Variants in NFIB observed in about 807,000 individuals in gnomAD.
The protein encoded by NFIB is nuclear factor I B.
In NFIB, 11 loss-of-function variants were observed where a neutral mutation model predicts 61.5. The observed-to-expected ratio is 0.18, with a 90% CI of 0.11 to 0.30. The LOEUF (loss-of-function observed/expected upper bound fraction) is 0.30, where lower values mean the gene tolerates loss of function less well. Ranked by LOEUF, NFIB falls within the 10% of genes least tolerant of loss-of-function variation. The pLI is 1.00. For synonymous variants in NFIB, 260 were observed against 216.5 expected (o/e 1.20, Z -1.76); for missense variants, 471 against 608.9 (o/e 0.77, Z 2.38).
At chr9:14,472,501 A>G in the NFIB span, among the ~76,000 whole-genome samples, 1 of 152,320 alleles carries the variant, frequency 6.6e-6, no homozygotes, top group African/African-American at 2.4e-5. Flanking sequence ...TGTAGCTTGT[A>G]TTCTGTAAAG....
At chr9:14,312,895 C>A (rs1229600068) in intron 1 of NFIB, among the ~76,000 whole-genome samples, 2 of 152,158 alleles carry the variant, frequency 1.3e-5, no homozygotes, top group Non-Finnish European at 2.9e-5. Context: ...CCCCAAAGTG[C>A]AGCAGGTCAC....
At chr9:14,384,584 T>C (rs985455635) in intron 1 of NFIB, among the ~76,000 whole-genome samples, 1 of 152,246 alleles carries the variant, frequency 6.6e-6, no homozygotes, top group Non-Finnish European at 1.5e-5. Flanking sequence ...ACCAGGGATT[T>C]TACATTACAA....
chr9:14,319,332 G>C (rs1388991012), intron 1 of NFIB, among the ~76,000 whole-genome samples: 7 of 152,186 alleles, frequency 4.6e-5, no homozygotes, highest in African/African-American at 1.7e-4. Context: ...CAGAGATGAG[G>C]CCAGTGCATC....
chr9:14,494,393 A>G, the NFIB span, among the ~76,000 whole-genome samples: 5 of 152,192 alleles, frequency 3.3e-5, no homozygotes, highest in African/African-American at 1.2e-4. Flanking sequence ...TACTGTATAC[A>G]TGCCAAAGAC....
chr9:14,282,856 T>C (rs1290053623), intron 2 of NFIB, among the ~76,000 whole-genome samples: 4 of 152,232 alleles, frequency 2.6e-5, no homozygotes, highest in Non-Finnish European at 2.9e-5. Context: ...ACCACTGTTG[T>C]ATGAACTTCG....
intron 10 of NFIB, among the ~76,000 whole-genome samples, chr9:14,099,398 T>C (rs1587154779): frequency 6.6e-6 from 1 of 152,252 alleles, no homozygotes; most frequent in Non-Finnish European, 1.5e-5. Flanking sequence ...GTCTATTATC[T>C]GCCTTAAAAG....
At chr9:14,220,585 C>A (rs960556172) in intron 2 of NFIB, among the ~76,000 whole-genome samples, 3 of 152,136 alleles carry the variant, frequency 2.0e-5, no homozygotes, top group African/African-American at 7.2e-5. Flanking sequence ...GCTGGACTTG[C>A]AGTCTCCTCA....
At chr9:14,436,722 T>A in the NFIB span, among the ~76,000 whole-genome samples, 1 of 152,234 alleles carries the variant, frequency 6.6e-6, no homozygotes, top group Non-Finnish European at 1.5e-5. Context: ...CTGATTGTGC[T>A]ATATCAATAG....
intron 3 of NFIB, among the ~76,000 whole-genome samples, chr9:14,173,540 G>GT (rs1587302596): frequency 6.6e-6 from 1 of 152,126 alleles, no homozygotes; most frequent in East Asian, 1.9e-4. Flanking sequence ...ATCTTCTCCA[G>GT]TATCTAGCCG....
the NFIB span, among the ~76,000 whole-genome samples, chr9:14,516,803 C>T: frequency 7.9e-5 from 12 of 152,190 alleles, no homozygotes; most frequent in Non-Finnish European, 1.8e-4. Context: ...CCCCAACACT[C>T]TAATGAATGC....
At chr9:14,118,042 C>A (rs1161160944) in intron 8 of NFIB, among the ~76,000 whole-genome samples, 1 of 151,768 alleles carries the variant, frequency 6.6e-6, no homozygotes. Flanking sequence ...ATTTGAAATG[C>A]AAATTAATTG....
intron 1 of NFIB, among the ~76,000 whole-genome samples, chr9:14,347,151 TA>T (rs3081608): frequency 0.14 from 19,817 of 142,006 alleles, 1,981 homozygotes; most frequent in African/African-American, 0.29. Context: ...GGTGGGATCT[TA>T]AAAAAAAAAA....
chr9:14,321,897 G>T, intron 1 of NFIB: 1 of 1,231,568 alleles, frequency 8.1e-7, no homozygotes, highest in South Asian at 4.1e-5. Flanking sequence ...TGCAAAGAAC[G>T]AATAAAAGAA....
rs117863898 is a variant in NFIB at position 14,085,855 on chromosome 9, T to C, written c.*2454A>G. On this transcript the variant is annotated 3_prime_UTR_variant, in exon 11 of 11. Transcript: ENST00000380953. ...CTAATGTGTTTTCTAGGAGAAAGAATATTCATGTGTTAAACTCTCAAAAGT... is the reference window on the plus strand; with the variant it reads ...CTAATGTGTTTTCTAGGAGAAAGAACATTCATGTGTTAAACTCTCAAAAGT... The C allele has an allele frequency of 4.5e-6, 1 of 223,334 alleles. No individual in the cohort carries two copies. The highest frequency in any genetic ancestry group is 6.5e-5 in the East Asian group (1 of 15,448). 13.8% of individuals were successfully genotyped at this position (223,334 alleles called of 1,614,324 possible). A position where few individuals can be genotyped will look rare whatever the true frequency, so the allele number is the denominator to read the frequency against.
At chr9:14,277,874 T>G (rs996346499) in intron 2 of NFIB, among the ~76,000 whole-genome samples, 4 of 152,164 alleles carry the variant, frequency 2.6e-5, no homozygotes, top group African/African-American at 7.2e-5. Flanking sequence ...CCTAAAGAGA[T>G]AAAAGGTCAC....
chr9:14,088,416 A>G (rs1418469703), intron 10 of NFIB, 90 bp from the exon 11 acceptor site: 2 of 1,276,694 alleles, frequency 1.6e-6, no homozygotes, highest in Non-Finnish European at 2.0e-6. Context: ...TATAAATTCC[A>G]GATGCATCAA....
At chr9:14,163,601 C>T (rs1165752031) in intron 3 of NFIB, among the ~76,000 whole-genome samples, 1 of 151,754 alleles carries the variant, frequency 6.6e-6, no homozygotes, top group Admixed American at 6.6e-5. Flanking sequence ...CCCACATGCA[C>T]CAAAAAATAT....
chr9:14,083,607 G>A lies in NFIB; in HGVS notation c.*4702C>T. ...GTAAACTATATTGAATGTCATGCTTGGGGCCTATCTGCCAGCAATATTGTA... is the reference window on the plus strand; with the variant it reads ...GTAAACTATATTGAATGTCATGCTTAGGGCCTATCTGCCAGCAATATTGTA... On this transcript the variant is annotated 3_prime_UTR_variant, in exon 11 of 11. Transcript: ENST00000380953. The A allele has an allele frequency of 4.4e-6, 1 of 228,172 alleles. No homozygotes were observed. The highest frequency in any genetic ancestry group is 6.3e-5 in the East Asian group (1 of 15,966). The allele number at this position is 228,172 out of a possible 1,614,324, so 14.1% of individuals were successfully genotyped here.
chr9:14,268,889 TG>T (rs1328504189), intron 2 of NFIB, among the ~76,000 whole-genome samples: 2 of 152,168 alleles, frequency 1.3e-5, no homozygotes, highest in Non-Finnish European at 2.9e-5. Context: ...GAGATATTGA[TG>T]GTGACGGCTT....
Sources: allele counts gnomAD v4.1 joint callset (sites outside exome capture counted in the v4.1 genomes callset), GRCh38; gene constraint gnomAD v4.1.1; transcripts MANE v1.5; gene names NCBI Gene and HGNC (gene_info 2026-07-23, HGNC 2026-07-21).